The following ZNF787 variants were observed in gnomAD, a reference collection of about 807,000 sequenced individuals.
The protein encoded by ZNF787 is zinc finger protein 787, also known as TTF-I-interacting peptide 20.
In ZNF787, 7 loss-of-function variants were observed where a neutral mutation model predicts 16.9. The ratio of observed to expected loss-of-function variants is 0.42; its 90% confidence interval spans 0.24 to 0.78. ZNF787 has a LOEUF of 0.78. Ranked by LOEUF, ZNF787 falls within the 30% of genes least tolerant of loss-of-function variation. The pLI, the probability that ZNF787 is intolerant of heterozygous loss-of-function variation, is 0.30. For synonymous variants in ZNF787, 345 were observed against 270.9 expected, an observed-to-expected ratio of 1.27 and a Z score of -2.69; for missense variants, 551 against 589.3, an observed-to-expected ratio of 0.94 and a Z score of 0.67.
chr19:56,094,046 C>T (rs1257924880), intron 2 of ZNF787, among the ~76,000 whole-genome samples: 3 of 152,048 alleles, frequency 2.0e-5, no homozygotes, highest in South Asian at 2.1e-4. Flanking sequence ...TATTTTGAGA[C>T]GCAGTCTCAC....
At chr19:56,104,918 C>A (rs1487125386) in intron 1 of ZNF787, among the ~76,000 whole-genome samples, 1 of 152,212 alleles carries the variant, frequency 6.6e-6, no homozygotes, top group African/African-American at 2.4e-5. Flanking sequence ...CAGTGGAGGT[C>A]TGGAGTTCGA....
In ZNF787 at chr19:56,087,732, G is replaced by C. The variant is rs28692674; in HGVS notation, c.*291C>G. On this transcript the variant is annotated 3_prime_UTR_variant, in exon 3 of 3. Coordinates refer to ENST00000610935, the MANE Select transcript of ZNF787 (RefSeq NM_001002836.4). ...ATGGCCTTCCGCTTGGGGCCTGGTCGCCACTCGGCCTCTGCAGTTCTCTCC... is the reference window on the plus strand; with the variant it reads ...ATGGCCTTCCGCTTGGGGCCTGGTCCCCACTCGGCCTCTGCAGTTCTCTCC... 1,543 of 287,484 alleles carry C rather than the reference G, an allele frequency of 5.4e-3. 28 individuals are homozygous for C. Among genetic ancestry groups the C allele is most frequent in the African/African-American group, 0.032 (1,455 of 44,826 alleles). 17.8% of individuals were successfully genotyped at this position (287,484 alleles called of 1,614,324 possible). A position where few individuals can be genotyped will look rare whatever the true frequency, so the allele number is the denominator to read the frequency against.
chr19:56,091,925 A>AAGCCGC (rs1382827840), intron 2 of ZNF787, among the ~76,000 whole-genome samples: 2 of 101,058 alleles, frequency 2.0e-5, no homozygotes, highest in Non-Finnish European at 3.8e-5. Context: ...GCCGCAGCCG[A>AAGCCGC]AGCCGAAGCC....
intron 2 of ZNF787, among the ~76,000 whole-genome samples, chr19:56,092,032 AAG>A (rs1985616421): frequency 6.7e-6 from 1 of 150,240 alleles, no homozygotes; most frequent in African/African-American, 2.5e-5. Context: ...GCCGAAGCCG[AAG>A]CCGAAGCCGA....
chr19:56,109,682 G>A (rs772077855), intron 1 of ZNF787, among the ~76,000 whole-genome samples: 2 of 151,610 alleles, frequency 1.3e-5, no homozygotes, highest in African/African-American at 2.4e-5. Context: ...TCACGAGATC[G>A]AGACCATCCT....
At chr19:56,111,234 G>T (rs1268949002) in intron 1 of ZNF787, among the ~76,000 whole-genome samples, 1 of 152,180 alleles carries the variant, frequency 6.6e-6, no homozygotes, top group African/African-American at 2.4e-5. Flanking sequence ...CAGCAGAGGG[G>T]CTGAGCACCT....
chr19:56,092,315 A>G (rs999323008), intron 2 of ZNF787, among the ~76,000 whole-genome samples: 1 of 152,186 alleles, frequency 6.6e-6, no homozygotes, highest in African/African-American at 2.4e-5. Context: ...ACCACATTTA[A>G]TCCATGGCCA....
Position 56,088,302 on chromosome 19 carries a change from C to G in ZNF787, c.870G>C (p.Gly290=). The G allele has an allele frequency of 7.4e-7, 1 of 1,344,152 alleles. No homozygotes were observed. The highest frequency in any genetic ancestry group is 9.5e-7 in the Non-Finnish European group (1 of 1,051,450). The allele number at this position is 1,344,152 out of a possible 1,614,324, so 83.3% of individuals were successfully genotyped here. A position where few individuals can be genotyped will look rare whatever the true frequency, so the allele number is the denominator to read the frequency against. The stretch of plus-strand genomic sequence containing the variant: ...GGTGCGCCAGGAGCCCGGCCCCGTG[C>G]CCGAAGCCCTTCCCGCACTCCAGAC... ...YVCLECGKGF[G]HGAGLLAHQR... Residue 290 remains glycine, a synonymous_variant, in exon 3 of 3, where the codon GGG becomes GGC. Transcript: ENST00000610935. The surrounding 1 kb of genome is among the most constrained non-coding windows in gnomAD (Gnocchi z 8.6).
intron 2 of ZNF787, among the ~76,000 whole-genome samples, chr19:56,097,415 T>C (rs775276510): frequency 1.4e-4 from 22 of 152,204 alleles, no homozygotes; most frequent in Non-Finnish European, 3.2e-4. Context: ...TCACATGCAG[T>C]TCTTCACCGT....
intron 1 of ZNF787, among the ~76,000 whole-genome samples, chr19:56,115,157 C>T (rs911307550): frequency 1.3e-5 from 2 of 152,058 alleles, no homozygotes; most frequent in Non-Finnish European, 2.9e-5. Flanking sequence ...CTCTACACAC[C>T]CTTTCCTGTT....
chr19:56,090,457 C>T (rs945618967), intron 2 of ZNF787, among the ~76,000 whole-genome samples: 3 of 152,156 alleles, frequency 2.0e-5, no homozygotes, highest in Non-Finnish European at 2.9e-5. Flanking sequence ...ACACCCTACA[C>T]GCTAAGGGAG....
Position 56,088,859 on chromosome 19 carries a change from G to T in ZNF787, c.313C>A (p.Gln105Lys). The T allele has an allele frequency of 6.2e-7, 1 of 1,609,790 alleles. No homozygotes were observed. The highest frequency in any genetic ancestry group is 8.5e-7 in the Non-Finnish European group (1 of 1,177,958). ...ACADCGKTFS[Q>K]SSHLVQHRRI... ...CGGTGCTGCACCAGGTGCGAGCTCT[G>T]CGAGAAGGTCTTGCCGCAGTCGGCG... Residue 105 changes from glutamine to lysine, a missense_variant, in exon 3 of 3, where the codon CAG (glutamine) becomes AAG (lysine). Gln to Lys is a moderately conservative substitution (Grantham distance 53). Transcript: ENST00000610935. The surrounding 1 kb of genome is among the most constrained non-coding windows in gnomAD (Gnocchi z 8.6).
At chr19:56,109,434 G>A (rs989483953) in intron 1 of ZNF787, among the ~76,000 whole-genome samples, 2 of 152,154 alleles carry the variant, frequency 1.3e-5, no homozygotes, top group African/African-American at 2.4e-5. Flanking sequence ...CACCAGCACC[G>A]GGAGCTGAGG....
At position 56,105,954 on chromosome 19, in the gene ZNF787, C is replaced by T. The variant is rs112460060; in HGVS notation, c.-10-2727G>A. Among the ~76,000 whole-genome samples the T allele has an allele frequency of 5.6e-3, 756 of 134,974 alleles. 20 individuals carry two copies. The highest frequency in any genetic ancestry group is 0.021 in the African/African-American group (708 of 33,978). The allele number at this position is 134,974 out of a possible 152,430, so 88.5% of individuals were successfully genotyped here. On this transcript the variant is annotated intron_variant, in intron 1 of 2. Transcript: ENST00000610935. ...CACGGCAGTCACCGCGCATTCCCCC[C>T]TCCGCGCCCACGGCAGTCACCGCGC...
At position 56,093,010 on chromosome 19, in the gene ZNF787, A is replaced by T. The variant is rs201591281; in HGVS notation, c.80-3918T>A. On this transcript the variant is annotated intron_variant, in intron 2 of 2. Coordinates refer to ENST00000610935, the MANE Select transcript of ZNF787 (RefSeq NM_001002836.4). ...AAGTGGGATACCCCATAGACACAGG[A>T]GGTGGCGGAAGTGGGCTACCCCATA... Among the ~76,000 whole-genome samples the T allele has an allele frequency of 3.4e-5, 5 of 145,652 alleles. No homozygotes were observed. In the East Asian group the frequency reaches 1.0e-3, roughly 30 times the overall value.
rs200084389 is a variant in ZNF787 at position 56,088,734 on chromosome 19, G to A, written c.438C>T (p.Gly146=). The A allele has an allele frequency of 6.2e-4, 1,006 of 1,610,276 alleles. 1 individual carries two copies. Among genetic ancestry groups the A allele is most frequent in the Non-Finnish European group, 8.1e-4 (959 of 1,178,920 alleles). ...NLMQHQRIHT[G]EKPYTCPDCG... is the part of the protein sequence containing the mutation. ...AGTCGGGGCAGGTGTAGGGCTTCTCGCCCGTGTGGATGCGCTGGTGCTGCA... is the reference window on the plus strand; with the variant it reads ...AGTCGGGGCAGGTGTAGGGCTTCTCACCCGTGTGGATGCGCTGGTGCTGCA... Residue 146 remains glycine (G), a synonymous_variant, in exon 3 of 3, where the codon GGC becomes GGT. Coordinates refer to ENST00000610935, the MANE Select transcript of ZNF787 (RefSeq NM_001002836.4). The surrounding 1 kb of genome is among the most constrained non-coding windows in gnomAD (Gnocchi z 8.6).
At chr19:56,102,449 G>C (rs908605818) in intron 2 of ZNF787, 5 of 164,874 alleles carry the variant, frequency 3.0e-5, no homozygotes, top group African/African-American at 9.6e-5. Flanking sequence ...AGGGGAGGGA[G>C]GCCATGAGGT....
At chr19:56,107,718 T>C (rs1330699109) in intron 1 of ZNF787, among the ~76,000 whole-genome samples, 1 of 151,704 alleles carries the variant, frequency 6.6e-6, no homozygotes, top group Non-Finnish European at 1.5e-5. Flanking sequence ...GGCAGCTCTG[T>C]TGGGGAGGCT....
chr19:56,111,425 T>C (rs2029976241), intron 1 of ZNF787, among the ~76,000 whole-genome samples: 1 of 152,118 alleles, frequency 6.6e-6, no homozygotes. Flanking sequence ...TGCTGGGGGC[T>C]CCTAGCCTGG....
Sources: gnomAD v4.1 joint callset for allele counts (sites outside exome capture counted in the v4.1 genomes callset) on GRCh38, gnomAD v4.1.1 for gene constraint, Gnocchi (gnomAD v3.1) non-coding constraint, MANE v1.5 for transcripts, NCBI Gene and HGNC (gene_info 2026-07-23, HGNC 2026-07-21) for gene names.